Variants in TMEM40 observed in about 807,000 individuals in gnomAD.
TMEM40 encodes transmembrane protein 40.
Under a neutral mutation model 40.8 loss-of-function variants are expected in TMEM40, and 34 were observed. The observed-to-expected ratio is 0.83, with a 90% CI of 0.63 to 1.11. The LOEUF is 1.11. Ranked by LOEUF, TMEM40 falls within the 50% of genes least tolerant of loss-of-function variation. TMEM40 has a pLI of 0.00. For missense variants in TMEM40, 296 were observed against 280.2 expected (o/e 1.06, Z -0.40); for synonymous variants, 106 against 107.0 (o/e 0.99, Z 0.06).
chr3:12,761,936 T>C (rs753987484), upstream of TMEM40, among the ~76,000 whole-genome samples: 8 of 152,212 alleles, frequency 5.3e-5, 1 homozygote, highest in Non-Finnish European at 1.2e-4. Flanking sequence ...AATTTTTGTA[T>C]TGATTATCTA....
chr3:12,745,748 C>CTCTTTTCTTTATAAATTAAAAAATAATAA, intron 3 of TMEM40, among the ~76,000 whole-genome samples: 1 of 152,142 alleles, frequency 6.6e-6, no homozygotes, highest in East Asian at 1.9e-4. Flanking sequence ...TGTGCCCAGC[C>CTCTTTTCTTTATAAATTAAAAAATAATAA]TAATACAAGT....
chr3:12,746,591 G>C (rs1212173548), intron 3 of TMEM40, among the ~76,000 whole-genome samples: 1 of 152,166 alleles, frequency 6.6e-6, no homozygotes, highest in Non-Finnish European at 1.5e-5. Context: ...ACCCAGGCTC[G>C]GGGCCTTCTA....
At chr3:12,745,365 G>A (rs997530863) in intron 3 of TMEM40, among the ~76,000 whole-genome samples, 1 of 151,876 alleles carries the variant, frequency 6.6e-6, no homozygotes, top group Admixed American at 6.6e-5. Flanking sequence ...ACCACACCTG[G>A]CAATTACTCC....
Position 12,738,634 on chromosome 3 carries a change from G to C in TMEM40, c.356-46C>G, listed in dbSNP as rs200251188. ...TGATCATATACCCATGATCCTCTGGGGGGGGAGAAGTCATGCTTCAGGGAA... is the reference window on the plus strand; with the variant it reads ...TGATCATATACCCATGATCCTCTGGCGGGGGAGAAGTCATGCTTCAGGGAA... On this transcript the variant is annotated intron_variant, in intron 5 of 11. Transcript: ENST00000314124. 1,060 of 1,598,248 alleles carry C rather than the reference G, an allele frequency of 6.6e-4. 4 individuals carry two copies. The African/African-American group carries it at 7.8e-3, about 12-fold the overall frequency.
upstream of TMEM40, among the ~76,000 whole-genome samples, chr3:12,761,965 ATAT>A (rs770031827): frequency 2.6e-5 from 4 of 152,120 alleles, no homozygotes; most frequent in Admixed American, 6.6e-5. Context: ...ATATTTGGAT[ATAT>A]TATTATTATT....
At chr3:12,736,501 G>A (rs1310795457) in intron 10 of TMEM40, 77 bp downstream of exon 10, 9 of 1,483,394 alleles carry the variant, frequency 6.1e-6, no homozygotes, top group African/African-American at 1.4e-5. Context: ...ATACTTGAAT[G>A]AGTATGAAAA....
At chr3:12,757,469 C>CAA (rs796454706) in intron 1 of TMEM40, among the ~76,000 whole-genome samples, 1,630 of 87,296 alleles carry the variant, frequency 0.019, 28 homozygotes, top group African/African-American at 0.053. Flanking sequence ...AACTCCGTCT[C>CAA]AAAAAAAAAA....
At chr3:12,747,329 C>A (rs1353435601) in intron 3 of TMEM40, among the ~76,000 whole-genome samples, 1 of 152,132 alleles carries the variant, frequency 6.6e-6, no homozygotes, top group Non-Finnish European at 1.5e-5. Flanking sequence ...TCCGGGGAAT[C>A]CCAAGTTGGT....
At chr3:12,742,767 G>T (rs977192240) in intron 4 of TMEM40, among the ~76,000 whole-genome samples, 2 of 152,096 alleles carry the variant, frequency 1.3e-5, no homozygotes, top group Non-Finnish European at 2.9e-5. Context: ...TTAATAGTGG[G>T]TATATACTGG....
At chr3:12,746,835 G>C (rs1229078517) in intron 3 of TMEM40, among the ~76,000 whole-genome samples, 2 of 152,268 alleles carry the variant, frequency 1.3e-5, no homozygotes, top group African/African-American at 4.8e-5. Flanking sequence ...GGTCACATGG[G>C]GGACATTTTC....
chr3:12,758,875 A>G (rs2061549574), intron 1 of TMEM40, among the ~76,000 whole-genome samples: 1 of 152,160 alleles, frequency 6.6e-6, no homozygotes, highest in Admixed American at 6.5e-5. Flanking sequence ...AAGTAGGGAA[A>G]CTGAGGCTCA....
At chr3:12,736,197 G>A (rs1160467720) in intron 10 of TMEM40, among the ~76,000 whole-genome samples, 1 of 148,852 alleles carries the variant, frequency 6.7e-6, no homozygotes. Flanking sequence ...TGCCCAGGCT[G>A]GAGTGCAGTG....
intron 1 of TMEM40, among the ~76,000 whole-genome samples, chr3:12,754,113 C>T (rs1466609061): frequency 1.3e-5 from 2 of 152,220 alleles, no homozygotes; most frequent in African/African-American, 4.8e-5. Flanking sequence ...GAGATCGAGA[C>T]CATCCTGGCT....
chr3:12,748,591 G>A (rs1308635130), intron 3 of TMEM40, 64 bp downstream of exon 3: 5 of 1,561,910 alleles, frequency 3.2e-6, no homozygotes, highest in South Asian at 1.2e-5. Flanking sequence ...CAAGTATGGG[G>A]GATTATTTCC....
At chr3:12,753,052 A>G (rs2061490504) in intron 1 of TMEM40, among the ~76,000 whole-genome samples, 1 of 152,120 alleles carries the variant, frequency 6.6e-6, no homozygotes, top group South Asian at 2.1e-4. Flanking sequence ...CCCATAGCCA[A>G]GGGAACTTCC....
chr3:12,736,873 TTC>T, intron 8 of TMEM40, 38 bp from the exon 9 acceptor site: 4 of 1,613,464 alleles, frequency 2.5e-6, no homozygotes, highest in African/African-American at 2.7e-5. Flanking sequence ...ATCTGCTGCT[TTC>T]TCTCTCTTTT....
chr3:12,747,910 C>CAA (rs747586371), intron 3 of TMEM40, among the ~76,000 whole-genome samples: 2,296 of 27,504 alleles, frequency 0.083, 466 homozygotes, highest in African/African-American at 0.24. Flanking sequence ...GATTCTGTCT[C>CAA]AAAAAAAAAA....
upstream of TMEM40, among the ~76,000 whole-genome samples, chr3:12,760,473 T>G (rs1477526755): frequency 3.9e-5 from 6 of 152,114 alleles, no homozygotes; most frequent in Admixed American, 6.5e-5. Context: ...TCAGGGCCTT[T>G]GCCCTGGCTG....
chr3:12,742,677 T>C (rs2061393238), intron 4 of TMEM40, among the ~76,000 whole-genome samples, 170 bp from the exon 5 acceptor site: 1 of 152,120 alleles, frequency 6.6e-6, no homozygotes, highest in South Asian at 2.1e-4. Context: ...CTTTGCCCTC[T>C]CTGATGCCCC....
Sources: gnomAD v4.1 joint callset for allele counts (sites outside exome capture counted in the v4.1 genomes callset) on GRCh38, gnomAD v4.1.1 for gene constraint, MANE v1.5 for transcripts, NCBI Gene and HGNC (gene_info 2026-07-23, HGNC 2026-07-21) for gene names.